The following UNC5B variants were observed in gnomAD, a reference collection of about 807,000 sequenced individuals.
The protein encoded by UNC5B is netrin receptor UNC5B.
A neutral mutation model predicts 103.7 loss-of-function variants in UNC5B; 56 were observed. The observed-to-expected ratio is 0.54, with a 90% CI of 0.44 to 0.67. The LOEUF (loss-of-function observed/expected upper bound fraction) is 0.67, where lower values mean the gene tolerates loss of function less well. UNC5B is among the 30% of genes least tolerant of loss of function. The probability of loss-of-function intolerance (pLI) is 0.00; values close to 1 mark genes in which losing one functional copy is unlikely to be tolerated. For missense variants in UNC5B, 1,194 were observed against 1,284.5 expected (o/e 0.93, Z 1.08); for synonymous variants, 577 against 542.0 (o/e 1.06, Z -0.90).
In UNC5B at chr10:71,288,940, C is replaced by T. The variant is rs1264313984; in HGVS notation, c.1067-18C>T. 6.2e-7 allele frequency: 1 copy of T among 1,610,976 alleles called. No individual in the cohort carries two copies. On this transcript the variant is annotated intron_variant, in intron 7 of 16. Coordinates refer to ENST00000335350, the MANE Select transcript of UNC5B (RefSeq NM_170744.5). ...CTGTCACCTATGTCATTGTCTTTCC[C>T]TTTATTTCCCTTGACAGATAAGAAA...
chr10:71,234,493 G>T (rs1843738805), intron 1 of UNC5B, among the ~76,000 whole-genome samples: 1 of 152,232 alleles, frequency 6.6e-6, no homozygotes, highest in Non-Finnish European at 1.5e-5. Context: ...CTGGGGACCA[G>T]CATAAGAAGC....
chr10:71,289,001 T>C lies in UNC5B; in HGVS notation c.1099+11T>C. 1 of 1,614,212 alleles carries C rather than the reference T, an allele frequency of 6.2e-7. No individual in the cohort carries two copies. The highest frequency in any genetic ancestry group is 8.5e-7 in the Non-Finnish European group (1 of 1,180,036). ...ACCCCAACAGCCACCGTAAGTCCCATTTCATGGCTGTCCTCTTTCCTCTGG... is the reference window on the plus strand; with the variant it reads ...ACCCCAACAGCCACCGTAAGTCCCACTTCATGGCTGTCCTCTTTCCTCTGG... On this transcript the variant is annotated intron_variant, in intron 8 of 16. Coordinates refer to ENST00000335350, the MANE Select transcript of UNC5B (RefSeq NM_170744.5).
At chr10:71,254,634 G>A (rs748974317) in intron 1 of UNC5B, among the ~76,000 whole-genome samples, 5 of 152,162 alleles carry the variant, frequency 3.3e-5, no homozygotes, top group African/African-American at 4.8e-5. Context: ...CCATTCTCCC[G>A]CCTCCCACCT....
At chr10:71,214,305 G>A (rs1843290892) in intron 1 of UNC5B, among the ~76,000 whole-genome samples, 1 of 150,396 alleles carries the variant, frequency 6.6e-6, no homozygotes, top group Non-Finnish European at 1.5e-5. Context: ...GATTCCCACG[G>A]CCAGGAGTGA....
intron 2 of UNC5B, among the ~76,000 whole-genome samples, chr10:71,280,278 G>A (rs773355032): frequency 1.3e-5 from 2 of 152,070 alleles, no homozygotes; most frequent in Non-Finnish European, 2.9e-5. Flanking sequence ...GCTTCTGTTA[G>A]GGAGCAAGTT....
chr10:71,288,095 G>A (rs1364403568), intron 6 of UNC5B, among the ~76,000 whole-genome samples: 2 of 152,142 alleles, frequency 1.3e-5, no homozygotes, highest in Non-Finnish European at 2.9e-5. Flanking sequence ...CCGGCCTCAG[G>A]GACAGCCTGT....
chr10:71,225,848 C>CAG (rs1435839759), intron 1 of UNC5B, among the ~76,000 whole-genome samples: 1 of 152,082 alleles, frequency 6.6e-6, no homozygotes, highest in Non-Finnish European at 1.5e-5. Flanking sequence ...CCGTGCCACA[C>CAG]AGACTTGAGG....
intron 1 of UNC5B, among the ~76,000 whole-genome samples, chr10:71,233,999 A>C (rs1342864302): frequency 1.3e-5 from 2 of 152,220 alleles, no homozygotes; most frequent in African/African-American, 2.4e-5. Flanking sequence ...CTGCCTGATG[A>C]GTGTGCAAGT....
At chr10:71,215,058 G>T (rs1269709020) in intron 1 of UNC5B, among the ~76,000 whole-genome samples, 1 of 152,216 alleles carries the variant, frequency 6.6e-6, no homozygotes, top group Non-Finnish European at 1.5e-5. Context: ...GTGGCCCTTA[G>T]AAACCTGCCT....
At chr10:71,257,496 T>A (rs1035369906) in intron 1 of UNC5B, among the ~76,000 whole-genome samples, 2 of 152,168 alleles carry the variant, frequency 1.3e-5, no homozygotes, top group Admixed American at 1.3e-4. Context: ...ATCTGTGAAA[T>A]GGGCTCCCCT....
intron 1 of UNC5B, among the ~76,000 whole-genome samples, chr10:71,279,180 T>C (rs1316693030): frequency 6.6e-6 from 1 of 152,140 alleles, no homozygotes; most frequent in Non-Finnish European, 1.5e-5. Flanking sequence ...CCACAGACCA[T>C]GGGAGGTGAG....
intron 2 of UNC5B, among the ~76,000 whole-genome samples, chr10:71,284,200 T>C (rs774823899): frequency 4.6e-5 from 7 of 151,992 alleles, no homozygotes; most frequent in Non-Finnish European, 8.8e-5. Flanking sequence ...GAAGTGAGGC[T>C]GATCCGAAAT....
chr10:71,276,362 G>A (rs1844772140), intron 1 of UNC5B, among the ~76,000 whole-genome samples: 1 of 152,102 alleles, frequency 6.6e-6, no homozygotes, highest in Admixed American at 6.5e-5. Flanking sequence ...CTGGCCATAG[G>A]TCGCTCTCAT....
chr10:71,241,404 C>T (rs2132259338), intron 1 of UNC5B, among the ~76,000 whole-genome samples: 1 of 152,298 alleles, frequency 6.6e-6, no homozygotes, highest in Non-Finnish European at 1.5e-5. Flanking sequence ...TCCTCAAATG[C>T]CCCATATCCC....
At chr10:71,249,150 C>T (rs1421571245) in intron 1 of UNC5B, among the ~76,000 whole-genome samples, 1 of 152,218 alleles carries the variant, frequency 6.6e-6, no homozygotes, top group East Asian at 1.9e-4. Context: ...GGGTTGAACG[C>T]ACTCATGAGA....
At chr10:71,266,246 T>G (rs1385451028) in intron 1 of UNC5B, among the ~76,000 whole-genome samples, 1 of 151,890 alleles carries the variant, frequency 6.6e-6, no homozygotes, top group Non-Finnish European at 1.5e-5. Context: ...GGGGGCAGGA[T>G]GGGATTGAAG....
chr10:71,290,984 T>A lies in UNC5B; in HGVS notation c.1169T>A (p.Ile390Asn). The change falls in exon 9 of 17, where the codon ATC becomes AAC. Residue 390 changes from isoleucine to asparagine, a missense_variant. By Grantham distance (149) the Ile-to-Asn change is moderately radical (BLOSUM62 -3). Coordinates refer to ENST00000335350, the MANE Select transcript of UNC5B (RefSeq NM_170744.5). ...LVVAIFVVVA[I>N]LMAVGVVVYR... ...GTGGCCATCTTCGTGGTCGTGGCAA[T>A]CCTCATGGCGGTGGGGGTGGTGGTG... is the stretch of plus-strand genomic sequence containing the variant. The A allele has an allele frequency of 6.2e-7, 1 of 1,614,070 alleles. No individual in the cohort carries two copies. Among genetic ancestry groups the A allele is most frequent in the Non-Finnish European group, 8.5e-7 (1 of 1,180,004 alleles).
chr10:71,255,602 C>T (rs1431302887), intron 1 of UNC5B, among the ~76,000 whole-genome samples: 1 of 152,204 alleles, frequency 6.6e-6, no homozygotes, highest in Non-Finnish European at 1.5e-5. Context: ...GTAATTAGCG[C>T]CATCCATCCC....
rs115637568 is a variant in UNC5B at position 71,287,623 on chromosome 10, A to T, written c.759A>T (p.Ala253=). Residue 253 remains alanine, a synonymous_variant, in exon 6 of 17, where the codon GCA becomes GCT. Transcript: ENST00000335350. Reference sequence around the variant, plus strand: ...TGAATGGCGGCTGGTCCAGCTGGGCAGAGTGGTCACCCTGCTCCAACCGCT... The same window carrying T: ...TGAATGGCGGCTGGTCCAGCTGGGCTGAGTGGTCACCCTGCTCCAACCGCT... ...VYVNGGWSSW[A]EWSPCSNRCG... The T allele has an allele frequency of 9.3e-5, 150 of 1,606,522 alleles. No individual in the cohort carries two copies. The African/African-American group carries it at 1.9e-3, about 20-fold the overall frequency.
Sources: gnomAD v4.1 joint callset for allele counts (sites outside exome capture counted in the v4.1 genomes callset) on GRCh38, gnomAD v4.1.1 for gene constraint, MANE v1.5 for transcripts, NCBI Gene and HGNC (gene_info 2026-07-23, HGNC 2026-07-21) for gene names.